TENM4: variants seen among roughly 807,000 people sequenced by gnomAD.
TENM4 encodes teneurin transmembrane protein 4.
A neutral mutation model predicts 243.3 loss-of-function variants in TENM4; 82 were observed. The ratio of observed to expected loss-of-function variants is 0.34; its 90% CI spans 0.28 to 0.40. TENM4 has a LOEUF of 0.40. TENM4 is among the 10% of genes least tolerant of loss of function. TENM4 has a pLI of 1.00. For synonymous variants in TENM4, 1,412 were observed against 1,456.3 expected (o/e 0.97, Z 0.69); for missense variants, 3,138 against 3,673.3 (o/e 0.85, Z 3.77).
intron 15 of TENM4, among the ~76,000 whole-genome samples, chr11:78,788,688 G>T (rs911262996): frequency 1.3e-5 from 2 of 152,256 alleles, no homozygotes; most frequent in African/African-American, 2.4e-5. Context: ...AAGGTTTCCT[G>T]AATTGAGGTC....
At chr11:78,919,327 T>C (rs1332195649) in intron 6 of TENM4, among the ~76,000 whole-genome samples, 1 of 152,060 alleles carries the variant, frequency 6.6e-6, no homozygotes, top group African/African-American at 2.4e-5. Context: ...GAGGGGGAGC[T>C]ATTAGAGGTG....
chr11:79,062,432 T>C (rs1860127209), intron 6 of TENM4, among the ~76,000 whole-genome samples: 1 of 152,206 alleles, frequency 6.6e-6, no homozygotes, highest in East Asian at 1.9e-4. Context: ...TCCCACCAGA[T>C]GCTCTGAGAA....
rs541640296 is a variant in TENM4 at position 79,011,213 on chromosome 11, A to G, written c.493+53525T>C. On this transcript the variant is annotated intron_variant, in intron 6 of 33. Transcript: ENST00000278550. ...ATGGGCTCTGCCCCACCCTCCCAAG[A>G]GGGTGCTCGCTCAGCTTTCTGCTTG... Among the ~76,000 whole-genome samples the G allele has an allele frequency of 2.0e-5, 3 of 152,260 alleles. No individual in the cohort carries two copies. The South Asian group carries it at 6.2e-4, about 32-fold the overall frequency.
chr11:78,722,268 G>T (rs188109642), intron 24 of TENM4, among the ~76,000 whole-genome samples: 2 of 152,278 alleles, frequency 1.3e-5, no homozygotes, highest in East Asian at 3.9e-4. Context: ...TTCTGCTTTG[G>T]TCTTCCAAGG....
intron 3 of TENM4, among the ~76,000 whole-genome samples, chr11:79,163,909 T>C (rs1483320395): frequency 3.5e-5 from 5 of 143,092 alleles, no homozygotes; most frequent in Non-Finnish European, 7.5e-5. Flanking sequence ...ATATATCGTA[T>C]ATAGGTATAT....
chr11:79,176,811 T>C (rs1280242178), intron 3 of TENM4, among the ~76,000 whole-genome samples: 2 of 152,198 alleles, frequency 1.3e-5, no homozygotes, highest in Non-Finnish European at 2.9e-5. Context: ...AATCATTTTA[T>C]TCAGGAAGAG....
At chr11:78,745,991 C>CGACA (rs1160894521) in intron 19 of TENM4, among the ~76,000 whole-genome samples, 3 of 152,070 alleles carry the variant, frequency 2.0e-5, no homozygotes, top group Admixed American at 6.5e-5. Context: ...CTTGCTCTGT[C>CGACA]GCCCCAGCTG....
intron 18 of TENM4, among the ~76,000 whole-genome samples, chr11:78,766,986 G>A (rs1856552513): frequency 6.6e-6 from 1 of 151,834 alleles, no homozygotes; most frequent in Non-Finnish European, 1.5e-5. Flanking sequence ...TTTTCTTTTT[G>A]TCTCATAGTT....
chr11:79,309,725 A>G (rs1483932382), intron 1 of TENM4, among the ~76,000 whole-genome samples: 1 of 152,194 alleles, frequency 6.6e-6, no homozygotes, highest in African/African-American at 2.4e-5. Context: ...AGGGGCCCTC[A>G]TTTGGAGGAT....
rs370269511 is a variant in TENM4, at chr11:79,241,250, G to A, written c.-264-25341C>T. 3.2e-4 allele frequency among the ~76,000 whole-genome samples: 49 copies of A among 152,154 alleles called. 2 individuals carry two copies. Among genetic ancestry groups the A allele is most frequent in the South Asian group, 1.7e-3 (8 of 4,820 alleles). Reference sequence around the variant, plus strand: ...AAAGCAATGAATGAATCTGACAGTAGACTGCTGGAAGAGGGGTTTTGTGTG... The same window carrying A: ...AAAGCAATGAATGAATCTGACAGTAAACTGCTGGAAGAGGGGTTTTGTGTG... On this transcript the variant is annotated intron_variant, in intron 2 of 33. Transcript: ENST00000278550.
At chr11:79,097,962 A>G (rs1861125062) in intron 4 of TENM4, 2 of 152,230 alleles carry the variant, frequency 1.3e-5, no homozygotes, top group Admixed American at 6.5e-5. Context: ...CAGATAACTT[A>G]GTAAAACAAA....
At chr11:79,192,171 T>A (rs11237754) in intron 3 of TENM4, among the ~76,000 whole-genome samples, 42 of 146,690 alleles carry the variant, frequency 2.9e-4, no homozygotes, top group South Asian at 2.2e-4. Context: ...CCCGGCCAGC[T>A]GCCCGGTCTG....
At chr11:79,302,717 T>C (rs1242792784) in intron 1 of TENM4, among the ~76,000 whole-genome samples, 3 of 152,200 alleles carry the variant, frequency 2.0e-5, no homozygotes, top group African/African-American at 7.2e-5. Context: ...CAATTCAGCA[T>C]TTAGTTCACC....
intron 4 of TENM4, among the ~76,000 whole-genome samples, chr11:79,074,836 G>A (rs1292368668): frequency 1.3e-5 from 2 of 152,090 alleles, no homozygotes; most frequent in South Asian, 2.1e-4. Context: ...CCAGGCCTCC[G>A]CTTCATACTG....
chr11:78,805,281 C>CACCCACCACACCCCCCCCCA lies in TENM4; in HGVS notation c.2179+10_2179+11insTGGGGGGGGGTGTGGTGGGT. On this transcript the variant is annotated intron_variant, in intron 15 of 33. Coordinates refer to ENST00000278550, the MANE Select transcript of TENM4 (RefSeq NM_001098816.3). The stretch of plus-strand genomic sequence containing the variant: ...TCCCTCTACCCATGCTTCTTCTCCC[C>CACCCACCACACCCCCCCCCA]CTGCATTTACCGATAGAACAGTCGT... 4.0e-6 allele frequency: 6 copies of CACCCACCACACCCCCCCCCA among 1,488,458 alleles called. No homozygotes were observed. Among genetic ancestry groups the CACCCACCACACCCCCCCCCA allele is most frequent in the Non-Finnish European group, 5.5e-6 (6 of 1,097,782 alleles). 92.2% of individuals were successfully genotyped at this position (1,488,458 alleles called of 1,614,324 possible). A position where few individuals can be genotyped will look rare whatever the true frequency, so the allele number is the denominator to read the frequency against.
In TENM4 at chr11:78,729,464, G is replaced by A. The variant is rs756187643; in HGVS notation, c.3318C>T (p.Phe1106=). The A allele has an allele frequency of 1.1e-5, 17 of 1,611,386 alleles. No homozygotes were observed. Among genetic ancestry groups the A allele is most frequent in the Admixed American group, 1.0e-4 (6 of 59,584 alleles). Residue 1106 remains phenylalanine, a synonymous_variant, in exon 22 of 34, where the codon TTC becomes TTT. Transcript: ENST00000278550. Reference sequence around the variant, plus strand: ...AATAGGACAGGTCTGGGGCTGCAGCGAACCACTTCCTGAAGAGGCGGCCCT... The same window carrying A: ...AATAGGACAGGTCTGGGGCTGCAGCAAACCACTTCCTGAAGAGGCGGCCCT... The part of the protein sequence containing the change: ...AVEGRLFRKW[F]AAAPDLSYYF...
intron 3 of TENM4, among the ~76,000 whole-genome samples, chr11:79,211,534 G>A (rs1029711334): frequency 2.0e-5 from 3 of 152,118 alleles, no homozygotes; most frequent in South Asian, 2.1e-4. Context: ...ATGAACTCAC[G>A]GTGGAGTTTT....
intron 1 of TENM4, among the ~76,000 whole-genome samples, chr11:79,352,364 G>T (rs1032847617): frequency 1.3e-5 from 2 of 152,172 alleles, no homozygotes; most frequent in African/African-American, 4.8e-5. Context: ...GACCACAACC[G>T]TCTAGAGCCA....
chr11:79,144,488 T>C (rs1482628942), intron 4 of TENM4, among the ~76,000 whole-genome samples: 1 of 152,064 alleles, frequency 6.6e-6, no homozygotes, highest in Admixed American at 6.6e-5. Context: ...TCCATGTGTA[T>C]CGTGGCACTA....
Sources: gnomAD v4.1 joint callset for allele counts (sites outside exome capture counted in the v4.1 genomes callset) on GRCh38, gnomAD v4.1.1 for gene constraint, MANE v1.5 for transcripts, NCBI Gene and HGNC (gene_info 2026-07-23, HGNC 2026-07-21) for gene names.